Variants in PIWIL1 observed in about 807,000 individuals in gnomAD.
The protein encoded by PIWIL1 is piwi like RNA-mediated gene silencing 1.
In PIWIL1, 73 loss-of-function variants were observed where a neutral mutation model predicts 114.4. The observed-to-expected ratio is 0.64, with a 90% CI of 0.53 to 0.78. The LOEUF (loss-of-function observed/expected upper bound fraction) is 0.78, where lower values mean the gene tolerates loss of function less well. Ranked by LOEUF, PIWIL1 falls within the 30% of genes least tolerant of loss-of-function variation. The probability of loss-of-function intolerance (pLI) is 0.00; values close to 1 mark genes in which losing one functional copy is unlikely to be tolerated. For missense variants in PIWIL1, 723 were observed against 1,063.1 expected (o/e 0.68, Z 4.45); for synonymous variants, 375 against 369.0 (o/e 1.02, Z -0.19).
chr12:130,348,084 C>G lies in PIWIL1; in HGVS notation c.654-19C>G. ...AGAGATACTTATCAATATTCACTCT[C>G]TGACCTTTCCATTTCTAGGCTTTTG... On this transcript the variant is annotated intron_variant, in intron 6 of 20. Transcript: ENST00000245255. 6.6e-7 allele frequency: 1 copy of G among 1,518,718 alleles called. No individual in the cohort carries two copies. Among genetic ancestry groups the G allele is most frequent in the Non-Finnish European group, 9.1e-7 (1 of 1,095,124 alleles). 94.1% of individuals were successfully genotyped at this position (1,518,718 alleles called of 1,614,324 possible).
chr12:130,394,196 T>C, the PIWIL1 span, among the ~76,000 whole-genome samples: 1 of 152,190 alleles, frequency 6.6e-6, no homozygotes, highest in Non-Finnish European at 1.5e-5. Context: ...TCATCCTCTT[T>C]TTTAGAGACT....
chr12:130,426,149 A>C, the PIWIL1 span: 1 of 152,438 alleles, frequency 6.6e-6, no homozygotes, highest in African/African-American at 2.4e-5. Context: ...TGCCGTGCCC[A>C]TCAGGGATCC....
chr12:130,348,182 A>G lies in PIWIL1; in HGVS notation c.733A>G (p.Arg245Gly), dbSNP rs756039298. ...PNDPIDIPSH[R>G]LVIWPGFTTS... ...TGACCCAATTGATATTCCAAGTCAC[A>G]GGTTTGTATGAAGTAGAACGTTTAA... The change falls in exon 7 of 21, where the codon AGG (arginine) becomes GGG (glycine). Residue 245 changes from arginine to glycine, a missense_variant and splice_region_variant. By Grantham distance (125) the Arg-to-Gly change is moderately radical (BLOSUM62 -2). Transcript: ENST00000245255. The G allele has an allele frequency of 1.3e-6, 2 of 1,569,398 alleles. No individual in the cohort carries two copies. The highest frequency in any genetic ancestry group is 2.2e-5 in the South Asian group (2 of 89,606).
At chr12:130,361,777 T>C (rs2073516355) in intron 16 of PIWIL1, among the ~76,000 whole-genome samples, 176 bp downstream of exon 16, 1 of 152,250 alleles carries the variant, frequency 6.6e-6, no homozygotes, top group Non-Finnish European at 1.5e-5. Context: ...TTTCATCCTG[T>C]ATTCGTCAAA....
intron 19 of PIWIL1, among the ~76,000 whole-genome samples, chr12:130,367,940 G>C (rs1172078771): frequency 1.3e-5 from 2 of 152,192 alleles, no homozygotes; most frequent in African/African-American, 2.4e-5. Context: ...CGGAATTACA[G>C]GCATGCACCA....
At chr12:130,394,974 G>A in the PIWIL1 span, among the ~76,000 whole-genome samples, 1 of 152,292 alleles carries the variant, frequency 6.6e-6, no homozygotes, top group Admixed American at 6.5e-5. Flanking sequence ...GAGAATGGGA[G>A]GGTCATTCTG....
intron 19 of PIWIL1, among the ~76,000 whole-genome samples, chr12:130,370,741 T>G (rs1263290732): frequency 6.6e-6 from 1 of 152,198 alleles, no homozygotes. Flanking sequence ...GGGGAAAAGA[T>G]TCCGTGGTAA....
intron 2 of PIWIL1, 29 bp from the exon 3 acceptor site, chr12:130,342,961 G>T (rs776835027): frequency 2.6e-6 from 4 of 1,555,902 alleles, no homozygotes; most frequent in East Asian, 2.2e-5. Flanking sequence ...TTGACGAAAA[G>T]AATGTTCTTT....
At chr12:130,394,541 G>C in the PIWIL1 span, among the ~76,000 whole-genome samples, 23 of 152,224 alleles carry the variant, frequency 1.5e-4, no homozygotes, top group African/African-American at 5.5e-4. Flanking sequence ...CAATATACCT[G>C]CAAACAAGCT....
chr12:130,345,261 G>C (rs975008710), intron 3 of PIWIL1: 1 of 153,508 alleles, frequency 6.5e-6, no homozygotes, highest in Non-Finnish European at 1.5e-5. Context: ...TCTGAAGAGA[G>C]TCAGGTAGTG....
At position 130,372,150 on chromosome 12, in the gene PIWIL1, G is replaced by C. The variant is rs980078581; in HGVS notation, c.*552G>C. The C allele has an allele frequency of 6.6e-6, 1 of 152,018 alleles. No homozygotes were observed. Among genetic ancestry groups the C allele is most frequent in the Non-Finnish European group, 1.5e-5 (1 of 68,012 alleles). 9.4% of individuals were successfully genotyped at this position (152,018 alleles called of 1,614,324 possible). A position where few individuals can be genotyped will look rare whatever the true frequency, so the allele number is the denominator to read the frequency against. ...GATTTTTATTTGGCAGGGGGGCTAG[G>C]TTGTATGGGAGTAAAAAAAACATTG... is the stretch of plus-strand genomic sequence containing the variant. On this transcript the variant is annotated 3_prime_UTR_variant, in exon 21 of 21. Transcript: ENST00000245255.
Position 130,372,174 on chromosome 12 carries a change from T to G in PIWIL1, c.*576T>G, listed in dbSNP as rs2073830070. 2 of 152,060 alleles carry G rather than the reference T, an allele frequency of 1.3e-5. No individual in the cohort carries two copies. Among genetic ancestry groups the G allele is most frequent in the African/African-American group, 4.8e-5 (2 of 41,416 alleles). The allele number at this position is 152,060 out of a possible 1,614,324, so 9.4% of individuals were successfully genotyped here. ...GGTTGTATGGGAGTAAAAAAAACAT[T>G]GAAAATTTTTAAATTGTCCAAAGAA... On this transcript the variant is annotated 3_prime_UTR_variant, in exon 21 of 21. Coordinates refer to ENST00000245255, the MANE Select transcript of PIWIL1 (RefSeq NM_004764.5).
At chr12:130,414,815 C>G in the PIWIL1 span, 32,844 of 153,332 alleles carry the variant, frequency 0.21, 4,093 homozygotes, top group Middle Eastern at 0.35. Flanking sequence ...GGTTTCAACT[C>G]CATATACCAC....
At chr12:130,357,264 G>A (rs762015002) in intron 13 of PIWIL1, among the ~76,000 whole-genome samples, 159 bp downstream of exon 13, 2 of 152,012 alleles carry the variant, frequency 1.3e-5, no homozygotes, top group Non-Finnish European at 2.9e-5. Flanking sequence ...ACTAAGAATG[G>A]GTGGGAGAAG....
At chr12:130,404,570 C>T in the PIWIL1 span, among the ~76,000 whole-genome samples, 13 of 152,268 alleles carry the variant, frequency 8.5e-5, no homozygotes, top group Non-Finnish European at 1.6e-4. Flanking sequence ...CATGAGTCAC[C>T]GTGCCCGGCC....
At chr12:130,376,520 T>G (rs10732586), downstream of PIWIL1, among the ~76,000 whole-genome samples, 63 of 152,288 alleles carry the variant, frequency 4.1e-4, no homozygotes, top group Admixed American at 2.4e-3. Flanking sequence ...GAACTGGTGT[T>G]TCAGTATGCT....
chr12:130,409,881 G>A, the PIWIL1 span, among the ~76,000 whole-genome samples: 322 of 152,310 alleles, frequency 2.1e-3, no homozygotes, highest in African/African-American at 7.1e-3. Flanking sequence ...GTGTGTGAAC[G>A]TAAGTTTCCC....
intron 19 of PIWIL1, among the ~76,000 whole-genome samples, chr12:130,368,898 T>C (rs1379901393): frequency 6.6e-6 from 1 of 152,114 alleles, no homozygotes; most frequent in African/African-American, 2.4e-5. Context: ...TTTTTTTAGT[T>C]TCATTTTAAG....
At chr12:130,401,132 T>A in the PIWIL1 span, among the ~76,000 whole-genome samples, 2 of 152,104 alleles carry the variant, frequency 1.3e-5, no homozygotes, top group African/African-American at 4.8e-5. Flanking sequence ...TTTTTTTAAA[T>A]TGAGACAGAG....
Sources: gnomAD v4.1 joint callset for allele counts (sites outside exome capture counted in the v4.1 genomes callset) on GRCh38, gnomAD v4.1.1 for gene constraint, MANE v1.5 for transcripts, NCBI Gene and HGNC (gene_info 2026-07-23, HGNC 2026-07-21) for gene names.